Variants in AKAP6 observed in about 807,000 individuals in gnomAD.
AKAP6 encodes A-kinase anchoring protein 6.
AKAP6 carries 58 observed loss-of-function variants against 188.5 expected under a neutral mutation model. The observed-to-expected ratio is 0.31, with a 90% CI of 0.25 to 0.38. The LOEUF (loss-of-function observed/expected upper bound fraction) is 0.38. AKAP6 is among the 10% of genes least tolerant of loss of function. The pLI, the probability that AKAP6 is intolerant of heterozygous loss-of-function variation, is 1.00. For missense variants in AKAP6, 2,710 were observed against 2,740.0 expected, an observed-to-expected ratio of 0.99 and a Z score of 0.24; for synonymous variants, 989 against 998.6, an observed-to-expected ratio of 0.99 and a Z score of 0.18.
intron 1 of AKAP6, among the ~76,000 whole-genome samples, chr14:32,414,305 T>G (rs1194376792): frequency 1.3e-5 from 2 of 152,158 alleles, no homozygotes; most frequent in Non-Finnish European, 2.9e-5. Context: ...TAAAGAAATG[T>G]ATGTTTGGAA....
intron 9 of AKAP6, among the ~76,000 whole-genome samples, chr14:32,709,721 GTCT>G (rs952684518): frequency 6.6e-6 from 1 of 151,976 alleles, no homozygotes; most frequent in African/African-American, 2.4e-5. Flanking sequence ...TTTCCTGAAA[GTCT>G]TCTTATTTCT....
chr14:32,434,622 A>G (rs573192952), intron 2 of AKAP6, among the ~76,000 whole-genome samples: 1 of 152,348 alleles, frequency 6.6e-6, no homozygotes, highest in South Asian at 2.1e-4. Context: ...TTTCTAGTCA[A>G]TTAGAAGTAA....
At position 32,823,631 on chromosome 14, in the gene AKAP6, G is replaced by T; in HGVS notation, c.5818G>T (p.Asp1940Tyr). The T allele has an allele frequency of 6.2e-7, 1 of 1,613,820 alleles. No homozygotes were observed. Among genetic ancestry groups the T allele is most frequent in the Non-Finnish European group, 8.5e-7 (1 of 1,179,880 alleles). Residue 1940 changes from aspartate (D) to tyrosine (Y), a missense_variant, in exon 13 of 14, where the codon GAT becomes TAT. Asp to Tyr is a radical substitution (Grantham distance 160). Around this residue, in one of 2 missense-constraint regions of AKAP6, gnomAD observed 2,473 missense variants for 2,426.1 expected, o/e 1.02. Transcript: ENST00000280979. ...GCATTGTAAGTGTAAAGCACTTATG[G>T]ATAGTTTAGATGATTCAAATACTGC... is the stretch of plus-strand genomic sequence containing the variant. ...SEHCKCKALM[D>Y]SLDDSNTAGK...
At chr14:32,587,251 G>T (rs888165563) in intron 5 of AKAP6, among the ~76,000 whole-genome samples, 1 of 151,976 alleles carries the variant, frequency 6.6e-6, no homozygotes. Context: ...ATTTATAGGG[G>T]CTTTCTATAT....
chr14:32,390,970 G>T (rs946787901), intron 1 of AKAP6, among the ~76,000 whole-genome samples: 1 of 151,994 alleles, frequency 6.6e-6, no homozygotes, highest in African/African-American at 2.4e-5. Context: ...CGTTGCATTT[G>T]CTACTAATGT....
At chr14:32,655,388 G>C (rs994205933) in intron 7 of AKAP6, among the ~76,000 whole-genome samples, 2 of 152,106 alleles carry the variant, frequency 1.3e-5, no homozygotes, top group Non-Finnish European at 2.9e-5. Context: ...ATTTATTATT[G>C]AATCTCTTAG....
chr14:32,707,061 C>T (rs890364671), intron 9 of AKAP6, among the ~76,000 whole-genome samples: 2 of 152,062 alleles, frequency 1.3e-5, no homozygotes, highest in Non-Finnish European at 2.9e-5. Flanking sequence ...TCCCCCTTGT[C>T]ATCTCATTTT....
intron 7 of AKAP6, among the ~76,000 whole-genome samples, chr14:32,647,364 T>A (rs1888026745): frequency 6.6e-6 from 1 of 152,094 alleles, no homozygotes; most frequent in African/African-American, 2.4e-5. Context: ...AGGCATTGTT[T>A]CCATTTGGTA....
chr14:32,474,536 T>A (rs60217119), intron 2 of AKAP6: 39,689 of 152,160 alleles, frequency 0.26, 5,619 homozygotes, highest in Middle Eastern at 0.3. Flanking sequence ...TAGAATTCTT[T>A]AGGAGAGAAG....
chr14:32,421,760 C>T (rs1889858060), intron 1 of AKAP6, among the ~76,000 whole-genome samples: 1 of 152,132 alleles, frequency 6.6e-6, no homozygotes, highest in African/African-American at 2.4e-5. Context: ...GACTGAATGT[C>T]ACTGTAGGGT....
chr14:32,755,299 A>G (rs2032289487), intron 11 of AKAP6, among the ~76,000 whole-genome samples: 1 of 150,828 alleles, frequency 6.6e-6, no homozygotes, highest in African/African-American at 2.4e-5. Flanking sequence ...TCTTTATGGA[A>G]TTTTTTGGTT....
chr14:32,332,931 C>T (rs1349955408), intron 1 of AKAP6, among the ~76,000 whole-genome samples: 1 of 152,146 alleles, frequency 6.6e-6, no homozygotes, highest in Non-Finnish European at 1.5e-5. Flanking sequence ...TCATCTTGCT[C>T]ATCCCCAGCT....
intron 11 of AKAP6, among the ~76,000 whole-genome samples, chr14:32,750,741 T>TTG (rs1268522048): frequency 1.4e-5 from 2 of 146,712 alleles, no homozygotes. Flanking sequence ...AATTTTGTTT[T>TTG]TTTTTTTTTG....
chr14:32,537,407 AC>A (rs1443532755), intron 3 of AKAP6, among the ~76,000 whole-genome samples: 1 of 152,242 alleles, frequency 6.6e-6, no homozygotes, highest in Non-Finnish European at 1.5e-5. Flanking sequence ...ATGGGAGACT[AC>A]AAAGAATCTC....
At chr14:32,594,598 A>G (rs556557068) in intron 5 of AKAP6, among the ~76,000 whole-genome samples, 88 of 152,246 alleles carry the variant, frequency 5.8e-4, no homozygotes, top group African/African-American at 2.0e-3. Context: ...TACACAGAGG[A>G]TCATGGCTTT....
chr14:32,582,818 G>A (rs1255339564), intron 5 of AKAP6, among the ~76,000 whole-genome samples: 3 of 151,994 alleles, frequency 2.0e-5, no homozygotes, highest in Non-Finnish European at 4.4e-5. Flanking sequence ...CGTAGTTCTC[G>A]AGCCTTGGCT....
chr14:32,501,081 A>G (rs1880587003), intron 2 of AKAP6, among the ~76,000 whole-genome samples: 1 of 152,186 alleles, frequency 6.6e-6, no homozygotes, highest in Non-Finnish European at 1.5e-5. Context: ...AAAATACAGT[A>G]GAAGCCACAA....
At chr14:32,572,082 A>G (rs2139246585) in intron 4 of AKAP6, among the ~76,000 whole-genome samples, 1 of 152,330 alleles carries the variant, frequency 6.6e-6, no homozygotes, top group East Asian at 1.9e-4. Context: ...AACTGGGAAT[A>G]AATGCTACTT....
At chr14:32,456,985 A>C (rs1891165759) in intron 2 of AKAP6, among the ~76,000 whole-genome samples, 1 of 152,210 alleles carries the variant, frequency 6.6e-6, no homozygotes, top group African/African-American at 2.4e-5. Context: ...AATTTAGCCA[A>C]GATGTAACTT....
Sources: allele counts gnomAD v4.1 joint callset (sites outside exome capture counted in the v4.1 genomes callset), GRCh38; gene constraint gnomAD v4.1.1; regional missense constraint gnomAD v4.1.1; transcripts MANE v1.5; gene names NCBI Gene and HGNC (gene_info 2026-07-23, HGNC 2026-07-21).